Variants in ARL6IP6 observed in about 807,000 individuals in gnomAD.
ARL6IP6 encodes ARF like GTPase 6 interacting protein 6.
ARL6IP6 carries 22 observed loss-of-function variants against 21.5 expected under a neutral mutation model. That is an observed-to-expected ratio of 1.02 (90% CI 0.73 to 1.46). ARL6IP6 has a LOEUF of 1.46. Ranked by LOEUF, ARL6IP6 falls within the 40% of genes most tolerant of loss-of-function variation. The pLI is 0.00. For missense variants in ARL6IP6, 388 were observed against 299.8 expected (o/e 1.29, Z -2.17); for synonymous variants, 164 against 125.3 (o/e 1.31, Z -2.06).
At chr2:152,746,166 C>T (rs1304155493) in intron 3 of ARL6IP6, among the ~76,000 whole-genome samples, 7 of 151,836 alleles carry the variant, frequency 4.6e-5, no homozygotes, top group Admixed American at 2.0e-4. Context: ...CACAGACATG[C>T]GCCACCACAT....
chr2:152,749,320 C>A (rs4487053), intron 3 of ARL6IP6, among the ~76,000 whole-genome samples: 12,014 of 151,378 alleles, frequency 0.079, 614 homozygotes, highest in Middle Eastern at 0.16. Context: ...CAAAAACACA[C>A]ACACACACAC....
chr2:152,724,490 AAAGAATGGGTTATCAGC>A (rs1296288239), intron 2 of ARL6IP6, among the ~76,000 whole-genome samples: 5 of 152,224 alleles, frequency 3.3e-5, no homozygotes, highest in Non-Finnish European at 7.3e-5. Flanking sequence ...CAAGGCAGAA[AAAGAATGGGTTATCAGC>A]AAGAATTAGC....
rs1417701033 is a variant in ARL6IP6, at chr2:152,762,324, G to A, written c.*2484G>A. Among the ~76,000 whole-genome samples the A allele has an allele frequency of 2.0e-5, 3 of 152,208 alleles. No homozygotes were observed. The highest frequency in any genetic ancestry group is 7.2e-5 in the African/African-American group (3 of 41,456). On this transcript the variant is annotated 3_prime_UTR_variant, in exon 4 of 4. Transcript: ENST00000326446. Reference sequence around the variant, plus strand: ...TGCTAATGGCGTTACCCTGGTCCCTGAAGCCCAGTGGCAATCCTGCCATTC... The same window carrying A: ...TGCTAATGGCGTTACCCTGGTCCCTAAAGCCCAGTGGCAATCCTGCCATTC...
intron 1 of ARL6IP6, among the ~76,000 whole-genome samples, chr2:152,719,335 A>G (rs1251846668): frequency 6.6e-6 from 1 of 152,214 alleles, no homozygotes; most frequent in Non-Finnish European, 1.5e-5. Context: ...AATGCGAAAC[A>G]CCCACCATTA....
chr2:152,753,635 T>C (rs1355791725), intron 3 of ARL6IP6, among the ~76,000 whole-genome samples: 1 of 151,416 alleles, frequency 6.6e-6, no homozygotes, highest in East Asian at 1.9e-4. Flanking sequence ...AAAAAAGAAA[T>C]TGACACCTTT....
intron 2 of ARL6IP6, among the ~76,000 whole-genome samples, chr2:152,723,746 C>A (rs1699901453): frequency 6.6e-6 from 1 of 151,944 alleles, no homozygotes; most frequent in Admixed American, 6.6e-5. Context: ...TTAAAAGCAC[C>A]TGTAGATTTT....
chr2:152,734,852 A>G (rs1700481492), intron 2 of ARL6IP6, 142 bp from the exon 3 acceptor site: 5 of 836,864 alleles, frequency 6.0e-6, no homozygotes, highest in South Asian at 5.4e-5. Flanking sequence ...TTAGCTTGCA[A>G]TAAGTTCAAA....
At chr2:152,724,633 T>C (rs879444457) in intron 2 of ARL6IP6, among the ~76,000 whole-genome samples, 1 of 152,206 alleles carries the variant, frequency 6.6e-6, no homozygotes, top group Admixed American at 6.5e-5. Context: ...GAGTTGACAT[T>C]GTGTGGTACT....
chr2:152,719,496 G>C (rs902812136), intron 1 of ARL6IP6, among the ~76,000 whole-genome samples: 7 of 152,144 alleles, frequency 4.6e-5, no homozygotes, highest in Non-Finnish European at 8.8e-5. Context: ...TTCTTTTATA[G>C]GTAAAATAAT....
At chr2:152,720,391 T>A (rs1699726882) in intron 1 of ARL6IP6, 142 bp from the exon 2 acceptor site, 1 of 752,820 alleles carries the variant, frequency 1.3e-6, no homozygotes, top group Non-Finnish European at 2.3e-6. Context: ...GTCACATAGC[T>A]GGTAAATTGA....
upstream of ARL6IP6, chr2:152,717,690 ACT>A (rs1382778447): frequency 1.0e-5 from 14 of 1,397,736 alleles, no homozygotes; most frequent in East Asian, 2.7e-5. Context: ...CGTCGGGAAA[ACT>A]CTACCAACTT....
chr2:152,727,856 C>T (rs1297429438), intron 2 of ARL6IP6, among the ~76,000 whole-genome samples: 1 of 151,672 alleles, frequency 6.6e-6, no homozygotes, highest in Non-Finnish European at 1.5e-5. Flanking sequence ...TGATGCATTT[C>T]TCAGAACATA....
At chr2:152,742,984 T>C (rs374843822) in intron 3 of ARL6IP6, among the ~76,000 whole-genome samples, 19 of 152,366 alleles carry the variant, frequency 1.2e-4, no homozygotes, top group African/African-American at 4.3e-4. Flanking sequence ...CATTATGAAA[T>C]TCATCATCAA....
intron 2 of ARL6IP6, among the ~76,000 whole-genome samples, chr2:152,725,838 T>C (rs1294408432): frequency 1.3e-5 from 2 of 152,244 alleles, no homozygotes; most frequent in Admixed American, 1.3e-4. Flanking sequence ...GAAATTCGGA[T>C]TTGCTGTATT....
chr2:152,732,809 C>T (rs1409133587), intron 2 of ARL6IP6, among the ~76,000 whole-genome samples: 1 of 151,998 alleles, frequency 6.6e-6, no homozygotes, highest in Non-Finnish European at 1.5e-5. Flanking sequence ...CTCTCTAATA[C>T]CTAATATAAT....
At chr2:152,720,025 A>T (rs1699698961) in intron 1 of ARL6IP6, 12 of 450,784 alleles carry the variant, frequency 2.7e-5, no homozygotes, top group Non-Finnish European at 2.7e-5. Context: ...TGTGCATAAA[A>T]TGCAAGCTGT....
intron 2 of ARL6IP6, among the ~76,000 whole-genome samples, chr2:152,721,819 CA>C (rs1403041153): frequency 6.6e-6 from 1 of 152,212 alleles, no homozygotes; most frequent in Non-Finnish European, 1.5e-5. Context: ...CCTTTATCTT[CA>C]AATTGCAAAG....
At chr2:152,735,401 G>T (rs889721551) in intron 3 of ARL6IP6, among the ~76,000 whole-genome samples, 2 of 152,088 alleles carry the variant, frequency 1.3e-5, no homozygotes, top group African/African-American at 4.8e-5. Context: ...TGTCCTTTTG[G>T]AATAGAATTT....
chr2:152,735,775 G>A (rs555233329), intron 3 of ARL6IP6, among the ~76,000 whole-genome samples: 1 of 152,006 alleles, frequency 6.6e-6, no homozygotes, highest in South Asian at 2.1e-4. Context: ...AATTTGGGGA[G>A]GACATGAAGA....
Sources: gnomAD v4.1 joint callset for allele counts (sites outside exome capture counted in the v4.1 genomes callset) on GRCh38, gnomAD v4.1.1 for gene constraint, MANE v1.5 for transcripts, NCBI Gene and HGNC (gene_info 2026-07-23, HGNC 2026-07-21) for gene names.